TNXB: variants seen among roughly 807,000 people sequenced by gnomAD.
TNXB encodes tenascin XB, also known as tenascin-X.
Under a neutral mutation model 340.5 loss-of-function variants are expected in TNXB, and 183 were observed. The observed-to-expected ratio is 0.54, with a 90% CI of 0.48 to 0.61. The LOEUF is 0.61. Among genes scored for constraint, TNXB ranks in the 20% least tolerant of loss-of-function variants. TNXB has a pLI of 0.00. For synonymous variants in TNXB, 2,121 were observed against 2,314.5 expected (o/e 0.92, Z 2.40); for missense variants, 4,613 against 5,446.4 (o/e 0.85, Z 4.82).
rs755223675 is a variant in TNXB, at chr6:32,065,113, G to A, written c.6549C>T (p.Pro2183=). The A allele has an allele frequency of 5.4e-5, 85 of 1,568,298 alleles. No homozygotes were observed. Among genetic ancestry groups the A allele is most frequent in the Non-Finnish European group, 6.8e-5 (79 of 1,155,340 alleles). Residue 2183 remains proline (P), a synonymous_variant, in exon 19 of 44, where the codon CCC becomes CCT. Coordinates refer to ENST00000644971, the MANE Select transcript of TNXB (RefSeq NM_001365276.2). The part of the protein sequence containing the change: ...GPVSAVGVTA[P]EEESPDAPLA... ...GAGGAGCATCAGGGGACTCCTCTTC[G>A]GGGGCTAGGAAGAGATAGAAACAGA...
In TNXB at chr6:32,072,377, T is replaced by C. The variant is rs146461931; in HGVS notation, c.4682-79A>G. ...TGGGCTTTGAGGGCCTCAGGGGGGC[T>C]GTGAACTGAGATGGGGAATAGTTAC... On this transcript the variant is annotated intron_variant, in intron 12 of 43. Transcript: ENST00000644971. This position sits in a 1 kb window ranked among gnomAD's most constrained non-coding sequence, Gnocchi z 4.4. 0.01 allele frequency: 12,709 copies of C among 1,244,896 alleles called. 96 individuals are homozygous for C. The highest frequency in any genetic ancestry group is 0.011 in the Non-Finnish European group (9,700 of 918,622). 77.1% of individuals were successfully genotyped at this position (1,244,896 alleles called of 1,614,324 possible). A position where few individuals can be genotyped will look rare whatever the true frequency, so the allele number is the denominator to read the frequency against.
In TNXB at chr6:32,051,181, G is replaced by C. The variant is rs1777264028; in HGVS notation, c.9116-860C>G. Among the ~76,000 whole-genome samples, 1 of 152,212 alleles carries C rather than the reference G, an allele frequency of 6.6e-6. No individual in the cohort carries two copies. On this transcript the variant is annotated intron_variant, in intron 26 of 43. Transcript: ENST00000644971. The surrounding 1 kb of genome is among the most constrained non-coding windows in gnomAD (Gnocchi z 4.7). ...CCAAGCTAAGGCCTGCCTGGCCTCA[G>C]ATCCTGACTGTCCCCTGAGTATCCA...
rs755921512 is a variant in TNXB at position 32,064,780 on chromosome 6, T to A, written c.6841+41A>T. On this transcript the variant is annotated intron_variant, in intron 19 of 43. Transcript: ENST00000644971. The surrounding 1 kb of genome is among the most constrained non-coding windows in gnomAD (Gnocchi z 5.3). ...TACTGACAATAAAAGGGAAACTGAGTCTAGTTCAGGGCAGGGCCCAGTGCC... is the reference window on the plus strand; with the variant it reads ...TACTGACAATAAAAGGGAAACTGAGACTAGTTCAGGGCAGGGCCCAGTGCC... 6.3e-7 allele frequency: 1 copy of A among 1,589,240 alleles called. No homozygotes were observed. The highest frequency in any genetic ancestry group is 2.2e-5 in the East Asian group (1 of 44,490).
In TNXB at chr6:32,058,349, G is replaced by A; in HGVS notation, c.7534C>T (p.Pro2512Ser). ...GGGGGCCCTGGGGCCTCTGTGCCTGGTTCTGTAGGGCTGGGGGTCTCGTCC... is the reference window on the plus strand; with the variant it reads ...GGGGGCCCTGGGGCCTCTGTGCCTGATTCTGTAGGGCTGGGGGTCTCGTCC... ...DVDETPSPTE[P>S]GTEAPGPPEE... Residue 2512 changes from proline (P) to serine (S), a missense_variant, in exon 22 of 44, where the codon CCA becomes TCA. By Grantham distance (74) the Pro-to-Ser change is moderately conservative. This residue lies in a region of TNXB where 4,327 missense variants were observed against 4,859.4 expected (regional missense o/e 0.89). Coordinates refer to ENST00000644971, the MANE Select transcript of TNXB (RefSeq NM_001365276.2). This position sits in a 1 kb window ranked among gnomAD's most constrained non-coding sequence, Gnocchi z 5.1. 2.5e-6 allele frequency: 4 copies of A among 1,611,206 alleles called. No homozygotes were observed. Among genetic ancestry groups the A allele is most frequent in the Non-Finnish European group, 3.4e-6 (4 of 1,179,340 alleles).
intron 1 of TNXB, among the ~76,000 whole-genome samples, chr6:32,106,135 G>T (rs186338596): frequency 4.0e-5 from 6 of 151,736 alleles, no homozygotes; most frequent in Non-Finnish European, 5.9e-5. Context: ...GGGGCATGGG[G>T]GGGGGGGCTT....
In TNXB at chr6:32,062,302, A is replaced by G; in HGVS notation, c.7023T>C (p.Asp2341=). 6.2e-7 allele frequency: 1 copy of G among 1,613,418 alleles called. No individual in the cohort carries two copies. The highest frequency in any genetic ancestry group is 8.5e-7 in the Non-Finnish European group (1 of 1,179,844). The change falls in exon 20 of 44, where the codon GAT becomes GAC. Residue 2341 remains aspartate (D), a synonymous_variant. Coordinates refer to ENST00000644971, the MANE Select transcript of TNXB (RefSeq NM_001365276.2). The surrounding 1 kb of genome is among the most constrained non-coding windows in gnomAD (Gnocchi z 4.3). Reference sequence around the variant, plus strand: ...GCACCCGTGTTGCCTTGGGCTGCCCATCCCCATTCTTGTACTGGACCAGGA... The same window carrying G: ...GCACCCGTGTTGCCTTGGGCTGCCCGTCCCCATTCTTGTACTGGACCAGGA... ...DHFLVQYKNG[D]GQPKATRVPG... is the part of the protein sequence containing the mutation.
At chr6:32,048,307 A>C (rs774142328) in intron 29 of TNXB, 56 bp downstream of exon 29, 253 of 1,460,070 alleles carry the variant, frequency 1.7e-4, no homozygotes, top group Non-Finnish European at 2.2e-4. Context: ...AAATTCCAAC[A>C]GGTGCCACAA....
Position 32,050,000 on chromosome 6 carries a change from G to A in TNXB, c.9437C>T (p.Thr3146Met), listed in dbSNP as rs770332215. ...TGGGGCTCCCATCATTCACTCACCC[G>A]TCACCCCAATGGCAGACACAGGGCC... The part of the protein sequence containing the change: ...RVGPVSAIGV[T>M]EEETPSPTEP... Residue 3146 changes from threonine (T) to methionine (M), a missense_variant and splice_region_variant, in exon 27 of 44, where the codon ACG becomes ATG. Coordinates refer to ENST00000644971, the MANE Select transcript of TNXB (RefSeq NM_001365276.2). The surrounding 1 kb of genome is among the most constrained non-coding windows in gnomAD (Gnocchi z 4.5). 4.3e-6 allele frequency: 7 copies of A among 1,613,306 alleles called. No individual in the cohort carries two copies. In the Admixed American group the frequency reaches 6.7e-5, roughly 15 times the overall value.
In TNXB at chr6:32,064,412, T is replaced by C. The variant is rs1219552521; in HGVS notation, c.6841+409A>G. Reference sequence around the variant, plus strand: ...ATTTTTAGTAGAGATGGGGGTTTCATGATGTTGGCCAGGCTGGTCTCGAAC... The same window carrying C: ...ATTTTTAGTAGAGATGGGGGTTTCACGATGTTGGCCAGGCTGGTCTCGAAC... On this transcript the variant is annotated intron_variant, in intron 19 of 43. Transcript: ENST00000644971. This position sits in a 1 kb window ranked among gnomAD's most constrained non-coding sequence, Gnocchi z 5.3. Among the ~76,000 whole-genome samples, 3 of 152,036 alleles carry C rather than the reference T, an allele frequency of 2.0e-5. No homozygotes were observed. The highest frequency in any genetic ancestry group is 7.2e-5 in the African/African-American group (3 of 41,390).
Position 32,049,924 on chromosome 6 carries a change from C to T in TNXB, c.9439+74G>A. ...GCTGACCAGACCCCTGTCCCATTCC[C>T]CACCAGTCATCACCAAAGAGCAAGA... On this transcript the variant is annotated intron_variant, in intron 27 of 43. Transcript: ENST00000644971. The surrounding 1 kb of genome is among the most constrained non-coding windows in gnomAD (Gnocchi z 4.5). 1 of 1,601,756 alleles carries T rather than the reference C, an allele frequency of 6.2e-7. No individual in the cohort carries two copies. Among genetic ancestry groups the T allele is most frequent in the Non-Finnish European group, 8.5e-7 (1 of 1,171,504 alleles).
Position 32,070,379 on chromosome 6 carries a change from G to A in TNXB, c.5026C>T (p.Arg1676Cys), listed in dbSNP as rs766097197. The change falls in exon 14 of 44, where the codon CGC (arginine) becomes TGC (cysteine). Residue 1676 changes from arginine to cysteine, a missense_variant. Arg to Cys is a radical substitution (Grantham distance 180). Transcript: ENST00000644971. This position sits in a 1 kb window ranked among gnomAD's most constrained non-coding sequence, Gnocchi z 6.0. ...RGDASPGAPP[R>C]LGELWVTDPT... ...TCTGTCACCCACAGCTCCCCAAGGC[G>A]GGGTGGGGCCCCTGGGCTGGCGTCA... 1.3e-5 allele frequency: 21 copies of A among 1,599,804 alleles called. No individual in the cohort carries two copies. The highest frequency in any genetic ancestry group is 2.7e-5 in the African/African-American group (2 of 74,746).
rs760495650 is a variant in TNXB, at chr6:32,049,313, G to A, written c.9714C>T (p.His3238=). ...ACACTGGGCCCACGCGCTGCCCCTCGTGGAGGCCGTACAGATGCATCTTGT... is the reference window on the plus strand; with the variant it reads ...ACACTGGGCCCACGCGCTGCCCCTCATGGAGGCCGTACAGATGCATCTTGT... The part of the protein sequence containing the change: ...RKYKMHLYGL[H]EGQRVGPVST... Residue 3238 remains histidine (H), a synonymous_variant, in exon 28 of 44, where the codon CAC becomes CAT. Transcript: ENST00000644971. The surrounding 1 kb of genome is among the most constrained non-coding windows in gnomAD (Gnocchi z 4.5). 11 of 1,612,344 alleles carry A rather than the reference G, an allele frequency of 6.8e-6. No homozygotes were observed. Among genetic ancestry groups the A allele is most frequent in the East Asian group, 6.7e-5 (3 of 44,874 alleles).
Position 32,048,669 on chromosome 6 carries a change from G to A in TNXB, c.9758-19C>T, listed in dbSNP as rs369292137. 56 of 1,438,626 alleles carry A rather than the reference G, an allele frequency of 3.9e-5. No homozygotes were observed. In the African/African-American group the frequency reaches 6.9e-4, roughly 18 times the overall value. 89.1% of individuals were successfully genotyped at this position (1,438,626 alleles called of 1,614,324 possible). On this transcript the variant is annotated intron_variant, in intron 28 of 43. Coordinates refer to ENST00000644971, the MANE Select transcript of TNXB (RefSeq NM_001365276.2). ...AGGGGCGCTGAAAAGAGCAGAGCAG[G>A]CCCATGGGTCAGGAGGCAGGACCCT...
At chr6:32,091,542 A>T (rs1467896273) in intron 4 of TNXB, among the ~76,000 whole-genome samples, 1 of 150,272 alleles carries the variant, frequency 6.7e-6, no homozygotes, top group Non-Finnish European at 1.5e-5. Context: ...CAATGGCACG[A>T]TCTCAGCTCA....
Position 32,062,179 on chromosome 6 carries a change from G to A in TNXB, c.7146C>T (p.Pro2382=), listed in dbSNP as rs780930429. Residue 2382 remains proline, a synonymous_variant, in exon 20 of 44, where the codon CCC becomes CCT. Coordinates refer to ENST00000644971, the MANE Select transcript of TNXB (RefSeq NM_001365276.2). The surrounding 1 kb of genome is among the most constrained non-coding windows in gnomAD (Gnocchi z 4.3). The part of the protein sequence containing the change: ...YGFHGGQRVG[P]VSAIGVTAAE... ...CACCTGTCACCCCGATGGCAGACAC[G>A]GGGCCCACACGCTGGCCACCGTGGA... 9 of 1,611,292 alleles carry A rather than the reference G, an allele frequency of 5.6e-6. No homozygotes were observed. Among genetic ancestry groups the A allele is most frequent in the South Asian group, 5.5e-5 (5 of 91,026 alleles).
chr6:32,093,625 A>G (rs1166186500), intron 4 of TNXB, among the ~76,000 whole-genome samples: 2 of 152,160 alleles, frequency 1.3e-5, no homozygotes, highest in Non-Finnish European at 2.9e-5. Context: ...CCCACACCCC[A>G]TATGGCATTT....
rs781668158 is a variant in TNXB, at chr6:32,043,960, G to C, written c.11386+47C>G. On this transcript the variant is annotated intron_variant, in intron 34 of 43. Coordinates refer to ENST00000644971, the MANE Select transcript of TNXB (RefSeq NM_001365276.2). ...GCAGCTGGAGGGTGGGCAGAGTGCA[G>C]GGGGGAGAGGAAATGCGAGGCGATG... 2.5e-6 allele frequency: 4 copies of C among 1,606,944 alleles called. No individual in the cohort carries two copies. The South Asian group carries it at 3.3e-5, about 13-fold the overall frequency.
chr6:32,046,138 C>G lies in TNXB; in HGVS notation c.10606+37G>C. ...GCCCAAATGCACAAGGAAACCCACA[C>G]AAGCTGGCTTGCTATAGCCAGGCAC... On this transcript the variant is annotated intron_variant, in intron 31 of 43. Transcript: ENST00000644971. The surrounding 1 kb of genome is among the most constrained non-coding windows in gnomAD (Gnocchi z 6.9). The G allele has an allele frequency of 6.4e-7, 1 of 1,561,176 alleles. No individual in the cohort carries two copies. The highest frequency in any genetic ancestry group is 8.7e-7 in the Non-Finnish European group (1 of 1,148,754).
chr6:32,066,287 G>C (rs1244093982), intron 18 of TNXB, among the ~76,000 whole-genome samples: 1 of 152,090 alleles, frequency 6.6e-6, no homozygotes, highest in African/African-American at 2.4e-5. Flanking sequence ...CCAGCTACCT[G>C]GGGGGCTGAG....
Sources: gnomAD v4.1 joint callset for allele counts (sites outside exome capture counted in the v4.1 genomes callset) on GRCh38, gnomAD v4.1.1 for gene constraint, gnomAD v4.1.1 regional missense constraint, Gnocchi (gnomAD v3.1) non-coding constraint, MANE v1.5 for transcripts, NCBI Gene and HGNC (gene_info 2026-07-23, HGNC 2026-07-21) for gene names.